Variants in RCL1 observed in about 807,000 individuals in gnomAD.
The protein encoded by RCL1 is RNA 3'-terminal phosphate cyclase-like protein.
RCL1 carries 24 observed loss-of-function variants against 42.4 expected under a neutral mutation model. That is an observed-to-expected ratio of 0.57 (90% CI 0.41 to 0.80). The LOEUF is 0.80. Ranked by LOEUF, RCL1 falls within the 30% of genes least tolerant of loss-of-function variation. RCL1 has a pLI of 0.00. For missense variants in RCL1, 578 were observed against 467.9 expected (o/e 1.24, Z -2.17); for synonymous variants, 228 against 177.3 (o/e 1.29, Z -2.27).
chr9:4,800,100 G>C (rs1024949507), intron 1 of RCL1, among the ~76,000 whole-genome samples: 19 of 152,230 alleles, frequency 1.2e-4, no homozygotes, highest in Non-Finnish European at 2.4e-4. Context: ...GTATTTCATG[G>C]TATGAAAAGA....
At chr9:4,816,851 C>G (rs1342848958) in intron 1 of RCL1, among the ~76,000 whole-genome samples, 2 of 152,140 alleles carry the variant, frequency 1.3e-5, no homozygotes, top group Non-Finnish European at 2.9e-5. Context: ...GAGTCTCGCT[C>G]TGTCGTCCAG....
chr9:4,828,165 C>CAAAAA (rs147771721), intron 3 of RCL1, among the ~76,000 whole-genome samples: 28 of 50,738 alleles, frequency 5.5e-4, no homozygotes, highest in African/African-American at 1.5e-3. Flanking sequence ...GACTCCGTCT[C>CAAAAA]AAAAAAAAAA....
In RCL1 at chr9:4,849,466, C is replaced by G; in HGVS notation, c.887C>G (p.Thr296Ser). Residue 296 changes from threonine to serine, a missense_variant, in exon 8 of 9, where the codon ACC (threonine) becomes AGC (serine). Transcript: ENST00000381750. ...TTACAGGGTGGATGCGTAGACTCGA[C>G]CAACCAAAGCCTGGCGCTACTACTC... ...EIYRGGCVDS[T>S]NQSLALLLMT... The G allele has an allele frequency of 6.2e-7, 1 of 1,613,972 alleles. No homozygotes were observed. The highest frequency in any genetic ancestry group is 8.5e-7 in the Non-Finnish European group (1 of 1,179,928).
At chr9:4,795,111 T>C (rs570222383) in intron 1 of RCL1, among the ~76,000 whole-genome samples, 20 of 152,162 alleles carry the variant, frequency 1.3e-4, no homozygotes, top group Middle Eastern at 3.4e-3. Flanking sequence ...AGAGTCTTAC[T>C]CTGTCTCCCA....
At chr9:4,845,014 A>AGTACCATCCCG (rs1414842772) in intron 7 of RCL1, among the ~76,000 whole-genome samples, 1 of 152,128 alleles carries the variant, frequency 6.6e-6, no homozygotes, top group Non-Finnish European at 1.5e-5. Context: ...AGCCAAAGAG[A>AGTACCATCCCG]GTACCATCCC....
chr9:4,814,948 G>C (rs13300663), intron 1 of RCL1, among the ~76,000 whole-genome samples: 28,197 of 151,528 alleles, frequency 0.19, 3,395 homozygotes, highest in East Asian at 0.57. Flanking sequence ...ATTCTCTCAT[G>C]GTCTATAAGG....
intron 1 of RCL1, among the ~76,000 whole-genome samples, chr9:4,797,071 C>G (rs965514344): frequency 1.3e-5 from 2 of 152,062 alleles, no homozygotes; most frequent in African/African-American, 4.8e-5. Context: ...AGTATTGGAC[C>G]TTGGTTTGAG....
intron 1 of RCL1, among the ~76,000 whole-genome samples, chr9:4,797,233 A>G (rs1842927372): frequency 6.6e-6 from 1 of 152,198 alleles, no homozygotes; most frequent in Non-Finnish European, 1.5e-5. Flanking sequence ...TAATACTTCA[A>G]AGTGTACTGA....
intron 1 of RCL1, among the ~76,000 whole-genome samples, chr9:4,807,701 T>C (rs533809057): frequency 1.4e-4 from 22 of 152,230 alleles, no homozygotes; most frequent in Admixed American, 9.8e-4. Flanking sequence ...GTATTTTTCG[T>C]AGAGACAGGG....
chr9:4,857,854 C>G (rs775081798), intron 8 of RCL1, among the ~76,000 whole-genome samples: 2 of 151,372 alleles, frequency 1.3e-5, no homozygotes, highest in Non-Finnish European at 2.9e-5. Flanking sequence ...TTTCACTTCC[C>G]TAATAACCAG....
intron 1 of RCL1, among the ~76,000 whole-genome samples, chr9:4,799,302 A>G (rs1393694626): frequency 6.6e-6 from 1 of 152,038 alleles, no homozygotes; most frequent in African/African-American, 2.4e-5. Context: ...GGAACTATCT[A>G]CCATCTTTTT....
intron 3 of RCL1, among the ~76,000 whole-genome samples, chr9:4,827,951 C>T (rs1816820262): frequency 6.6e-6 from 1 of 151,986 alleles, no homozygotes; most frequent in Non-Finnish European, 1.5e-5. Flanking sequence ...CTTTGGGAGG[C>T]CGAGGCGGGC....
At position 4,849,353 on chromosome 9, in the gene RCL1, T is replaced by C. The variant is rs1363879865; in HGVS notation, c.868-94T>C. ...TTGTTGCTTGAACTTTGGATTTTGA[T>C]ATTATGAGTGTATGTTTCTGGTTTT... On this transcript the variant is annotated intron_variant, in intron 7 of 8. Coordinates refer to ENST00000381750, the MANE Select transcript of RCL1 (RefSeq NM_005772.5). 3 of 852,408 alleles carry C rather than the reference T, an allele frequency of 3.5e-6. No individual in the cohort carries two copies. In the East Asian group the frequency reaches 7.7e-5, roughly 22 times the overall value. 52.8% of individuals were successfully genotyped at this position (852,408 alleles called of 1,614,324 possible). A position where few individuals can be genotyped will look rare whatever the true frequency, so the allele number is the denominator to read the frequency against.
At chr9:4,807,343 T>TCAACCTC (rs1253805750) in intron 1 of RCL1, among the ~76,000 whole-genome samples, 9 of 152,342 alleles carry the variant, frequency 5.9e-5, no homozygotes, top group Non-Finnish European at 8.8e-5. Context: ...AGGTGGAGCA[T>TCAACCTC]AGATTATTGG....
At position 4,844,624 on chromosome 9, in the gene RCL1, A is replaced by G; in HGVS notation, c.810A>G (p.Val270=). The G allele has an allele frequency of 6.2e-7, 1 of 1,614,066 alleles. No individual in the cohort carries two copies. The highest frequency in any genetic ancestry group is 8.5e-7 in the Non-Finnish European group (1 of 1,179,992). Residue 270 remains valine (V), a synonymous_variant, in exon 7 of 9, where the codon GTA becomes GTG. Coordinates refer to ENST00000381750, the MANE Select transcript of RCL1 (RefSeq NM_005772.5). ...ASNPQGQGAA[V]LPEDLGRNCA... The stretch of plus-strand genomic sequence containing the variant: ...ACCCCCAGGGCCAGGGAGCAGCAGT[A>G]CTTCCAGAGGACCTTGGCAGGAACT...
chr9:4,795,133 C>T (rs147569383), intron 1 of RCL1, among the ~76,000 whole-genome samples: 1,855 of 152,004 alleles, frequency 0.012, 34 homozygotes, highest in African/African-American at 0.041. Flanking sequence ...GCTGGAGTGC[C>T]GTGGTGCGAT....
intron 1 of RCL1, among the ~76,000 whole-genome samples, chr9:4,809,524 G>A (rs1816097183): frequency 2.0e-5 from 3 of 152,086 alleles, no homozygotes; most frequent in Admixed American, 6.5e-5. Context: ...TGGCCAGGCC[G>A]GTCTCGATCT....
At chr9:4,819,634 C>T (rs1007170348) in intron 1 of RCL1, among the ~76,000 whole-genome samples, 2 of 152,132 alleles carry the variant, frequency 1.3e-5, no homozygotes, top group Non-Finnish European at 2.9e-5. Flanking sequence ...TGGTGAAACC[C>T]CATCTCTACT....
chr9:4,811,971 A>G (rs1025699718), intron 1 of RCL1, among the ~76,000 whole-genome samples: 1 of 152,160 alleles, frequency 6.6e-6, no homozygotes, highest in Admixed American at 6.5e-5. Flanking sequence ...ACTTTTTCAT[A>G]TACCTGTTGG....
Sources: allele counts gnomAD v4.1 joint callset (sites outside exome capture counted in the v4.1 genomes callset), GRCh38; gene constraint gnomAD v4.1.1; transcripts MANE v1.5; gene names NCBI Gene and HGNC (gene_info 2026-07-23, HGNC 2026-07-21).